TRAPPC9: variants seen among roughly 807,000 people sequenced by gnomAD.
TRAPPC9 encodes the protein trafficking protein particle complex subunit 9.
Under a neutral mutation model 124.0 loss-of-function variants are expected in TRAPPC9, and 83 were observed. The ratio of observed to expected loss-of-function variants is 0.67; its 90% CI spans 0.56 to 0.80. The LOEUF (loss-of-function observed/expected upper bound fraction) is 0.80, where lower values mean the gene tolerates loss of function less well. TRAPPC9 is among the 30% of genes least tolerant of loss of function. The probability of loss-of-function intolerance (pLI) is 0.00; values close to 1 mark genes in which losing one functional copy is unlikely to be tolerated. For missense variants in TRAPPC9, 1,302 were observed against 1,508.3 expected (o/e 0.86, Z 2.27); for synonymous variants, 638 against 617.5 (o/e 1.03, Z -0.49).
At chr8:139,816,300 G>T (rs371036078) in intron 21 of TRAPPC9, among the ~76,000 whole-genome samples, 3 of 152,224 alleles carry the variant, frequency 2.0e-5, no homozygotes, top group Non-Finnish European at 4.4e-5. Flanking sequence ...GGTACCTTCC[G>T]GTGAAAGCAG....
chr8:139,809,577 A>T (rs761978907), intron 21 of TRAPPC9, among the ~76,000 whole-genome samples: 1 of 152,168 alleles, frequency 6.6e-6, no homozygotes, highest in African/African-American at 2.4e-5. Context: ...TGGCCTCAGG[A>T]TGCAAGTCTA....
At chr8:140,251,120 G>A (rs1376538293) in intron 16 of TRAPPC9, among the ~76,000 whole-genome samples, 2 of 152,122 alleles carry the variant, frequency 1.3e-5, no homozygotes, top group African/African-American at 4.8e-5. Context: ...TGTTCCTCAG[G>A]AATAAGACGA....
chr8:139,999,172 G>A (rs572948660), intron 18 of TRAPPC9, among the ~76,000 whole-genome samples: 38 of 152,170 alleles, frequency 2.5e-4, no homozygotes, highest in Non-Finnish European at 1.8e-4. Context: ...TTAATAGACA[G>A]AGATTGTCAG....
In TRAPPC9 at chr8:140,015,826, G is replaced by A. The variant is rs189679902; in HGVS notation, c.2699+8111C>T. Among the ~76,000 whole-genome samples, 767 of 152,130 alleles carry A rather than the reference G, an allele frequency of 5.0e-3. 8 individuals carry two copies. Among genetic ancestry groups the A allele is most frequent in the African/African-American group, 0.017 (706 of 41,502 alleles). On this transcript the variant is annotated intron_variant, in intron 18 of 22. Transcript: ENST00000438773. ...ATAGAACTTAAATATATATATAAACGGGGTCATCCCTTTTATACAAAAGAA... is the reference window on the plus strand; with the variant it reads ...ATAGAACTTAAATATATATATAAACAGGGTCATCCCTTTTATACAAAAGAA...
chr8:139,770,343 C>T (rs975442229), intron 21 of TRAPPC9, among the ~76,000 whole-genome samples: 6 of 152,224 alleles, frequency 3.9e-5, no homozygotes, highest in Non-Finnish European at 7.3e-5. Context: ...CGTGGCTCCC[C>T]GCATTTTGAG....
intron 5 of TRAPPC9, among the ~76,000 whole-genome samples, chr8:140,420,603 AT>A (rs923851506): frequency 9.3e-5 from 14 of 151,330 alleles, no homozygotes; most frequent in African/African-American, 2.7e-4. Context: ...TTGTTTTTAC[AT>A]TTTTTTTTCT....
intron 17 of TRAPPC9, among the ~76,000 whole-genome samples, chr8:140,072,166 C>A (rs979981269): frequency 6.6e-6 from 1 of 152,106 alleles, no homozygotes; most frequent in Non-Finnish European, 1.5e-5. Context: ...CTTGTCAAAC[C>A]TCACAGAATT....
At chr8:139,932,905 TAAAAAAAA>T (rs3060603) in intron 19 of TRAPPC9, 1 of 152,900 alleles carries the variant, frequency 6.5e-6, no homozygotes, top group Non-Finnish European at 1.4e-5. Flanking sequence ...CATAAGCTGG[TAAAAAAAA>T]AAAAAAAAAT....
chr8:139,748,323 G>A (rs1388010389), intron 21 of TRAPPC9, among the ~76,000 whole-genome samples: 11 of 94,404 alleles, frequency 1.2e-4, no homozygotes, highest in South Asian at 9.7e-4. Context: ...TGGGAGGTGT[G>A]CAGGGATCAG....
At chr8:140,292,085 A>G (rs2065676751) in intron 11 of TRAPPC9, among the ~76,000 whole-genome samples, 1 of 152,232 alleles carries the variant, frequency 6.6e-6, no homozygotes, top group African/African-American at 2.4e-5. Flanking sequence ...GTCTGTGGTC[A>G]TTTGTTACAA....
intron 21 of TRAPPC9, among the ~76,000 whole-genome samples, chr8:139,744,053 C>T (rs1818730515): frequency 6.6e-6 from 1 of 152,204 alleles, no homozygotes; most frequent in African/African-American, 2.4e-5. Flanking sequence ...ACTGCCACCG[C>T]CACACACGTT....
At chr8:140,323,395 T>C (rs534714951) in intron 9 of TRAPPC9, among the ~76,000 whole-genome samples, 3 of 152,276 alleles carry the variant, frequency 2.0e-5, no homozygotes, top group Non-Finnish European at 2.9e-5. Flanking sequence ...GAATCTCTGA[T>C]TCACAGACAG....
At chr8:139,791,415 A>ACACT (rs1345853645) in intron 21 of TRAPPC9, among the ~76,000 whole-genome samples, 11 of 147,734 alleles carry the variant, frequency 7.4e-5, no homozygotes, top group African/African-American at 2.8e-4. Flanking sequence ...ACTCACACAC[A>ACACT]CACTCACACA....
At chr8:140,229,316 G>A (rs2063534795) in intron 16 of TRAPPC9, among the ~76,000 whole-genome samples, 1 of 138,202 alleles carries the variant, frequency 7.2e-6, no homozygotes, top group Non-Finnish European at 1.5e-5. Flanking sequence ...AGGCTGGAGT[G>A]CAGTGGTGTG....
intron 21 of TRAPPC9, among the ~76,000 whole-genome samples, chr8:139,859,064 T>C (rs1250189740): frequency 6.6e-6 from 1 of 151,546 alleles, no homozygotes; most frequent in African/African-American, 2.4e-5. Flanking sequence ...CTCCCTGTCC[T>C]CTATGCTCTA....
intron 9 of TRAPPC9, among the ~76,000 whole-genome samples, chr8:140,346,083 G>C (rs2067340923): frequency 6.6e-6 from 1 of 152,228 alleles, no homozygotes; most frequent in Non-Finnish European, 1.5e-5. Context: ...TTCAAAGCCA[G>C]CTCTGCCACC....
At chr8:140,396,037 C>T (rs1017893201) in intron 7 of TRAPPC9, among the ~76,000 whole-genome samples, 2 of 152,098 alleles carry the variant, frequency 1.3e-5, no homozygotes. Context: ...CAGCACTGCT[C>T]GCCTGGGCTC....
chr8:139,835,679 C>A (rs1003875278), intron 21 of TRAPPC9, among the ~76,000 whole-genome samples: 1 of 151,666 alleles, frequency 6.6e-6, no homozygotes, highest in Non-Finnish European at 1.5e-5. Flanking sequence ...TTAATTAAGG[C>A]GGAGATTGAT....
chr8:140,207,458 A>G (rs770435101), intron 17 of TRAPPC9, among the ~76,000 whole-genome samples: 2 of 152,234 alleles, frequency 1.3e-5, no homozygotes, highest in African/African-American at 2.4e-5. Flanking sequence ...GTCATTCTCA[A>G]TAGCAAATCT....
Sources: allele counts gnomAD v4.1 joint callset (sites outside exome capture counted in the v4.1 genomes callset), GRCh38; gene constraint gnomAD v4.1.1; transcripts MANE v1.5; gene names NCBI Gene and HGNC (gene_info 2026-07-23, HGNC 2026-07-21).